NEK2: variants seen among roughly 807,000 people sequenced by gnomAD.
NEK2 encodes NIMA related kinase 2.
A neutral mutation model predicts 54.1 loss-of-function variants in NEK2; 28 were observed. The observed-to-expected ratio is 0.52, with a 90% CI of 0.38 to 0.71. The LOEUF is 0.71. NEK2 is among the 30% of genes least tolerant of loss of function. NEK2 has a pLI of 0.00. For synonymous variants in NEK2, 176 were observed against 193.1 expected (o/e 0.91, Z 0.73); for missense variants, 407 against 531.5 (o/e 0.77, Z 2.30).
At position 211,669,114 on chromosome 1, in the gene NEK2, C is replaced by A; in HGVS notation, c.984G>T (p.Glu328Asp). 6.2e-7 allele frequency: 1 copy of A among 1,613,670 alleles called. No individual in the cohort carries two copies. Among genetic ancestry groups the A allele is most frequent in the African/African-American group, 1.3e-5 (1 of 75,038 alleles). The change falls in exon 6 of 8, where the codon GAG (glutamate) becomes GAT (aspartate). Residue 328 changes from glutamate (E) to aspartate (D), a missense_variant and splice_region_variant. Coordinates refer to ENST00000366999, the MANE Select transcript of NEK2 (RefSeq NM_002497.4). ...GCTTTGACCCCCATTCAGACTTACG[C>A]TCCAATCTTTCTTCTCTTGCTTTGA... is the stretch of plus-strand genomic sequence containing the variant. ...RALKAREERL[E>D]QKEQELCVRE...
chr1:211,671,428 GA>G, intron 3 of NEK2, 144 bp from the exon 4 acceptor site: 2 of 603,628 alleles, frequency 3.3e-6, no homozygotes, highest in Middle Eastern at 3.7e-4. Context: ...ATTTATAATG[GA>G]AAAAAGGCAA....
intron 7 of NEK2, chr1:211,666,815 T>A: frequency 1.1e-6 from 1 of 897,576 alleles, no homozygotes; most frequent in Non-Finnish European, 1.4e-6. Flanking sequence ...AATAAAAAAA[T>A]AAATAATGAT....
chr1:211,668,360 G>A (rs1046925842), intron 6 of NEK2, among the ~76,000 whole-genome samples: 1 of 152,170 alleles, frequency 6.6e-6, no homozygotes, highest in Admixed American at 6.5e-5. Context: ...TCATCTTGGT[G>A]GAGTAGACAC....
At chr1:211,659,761 AC>A (rs933335115), downstream of NEK2, among the ~76,000 whole-genome samples, 76 of 152,178 alleles carry the variant, frequency 5.0e-4, no homozygotes, top group African/African-American at 1.8e-3. Flanking sequence ...GGCGAATGAT[AC>A]ATTTTTTCCC....
intron 7 of NEK2, among the ~76,000 whole-genome samples, chr1:211,665,000 CTTAATGGGACAGTT>C (rs1240930638): frequency 6.6e-6 from 1 of 152,090 alleles, no homozygotes; most frequent in African/African-American, 2.4e-5. Flanking sequence ...ACACTTGGCT[CTTAATGGGACAGTT>C]TTATAAGAAA....
At chr1:211,675,116 A>G (rs759164889) in intron 1 of NEK2, among the ~76,000 whole-genome samples, 1 of 152,186 alleles carries the variant, frequency 6.6e-6, no homozygotes, top group Non-Finnish European at 1.5e-5. Context: ...CCTGTCACCA[A>G]TGGAAGGTCC....
downstream of NEK2, chr1:211,661,111 C>T: frequency 4.0e-6 from 3 of 747,192 alleles, no homozygotes; most frequent in East Asian, 2.5e-5. Flanking sequence ...TACTCCAGGA[C>T]CTCCTTGAGC....
chr1:211,663,246 T>C lies in NEK2; in HGVS notation c.*180A>G. On this transcript the variant is annotated 3_prime_UTR_variant, in exon 8 of 8. Coordinates refer to ENST00000366999, the MANE Select transcript of NEK2 (RefSeq NM_002497.4). ...CTTAAAAGAAGAAAGAAAAATTAAATGTGAACATTTTGTACAATAGTTGCT... is the reference window on the plus strand; with the variant it reads ...CTTAAAAGAAGAAAGAAAAATTAAACGTGAACATTTTGTACAATAGTTGCT... 7.4e-7 allele frequency: 1 copy of C among 1,359,768 alleles called. No homozygotes were observed. Among genetic ancestry groups the C allele is most frequent in the Non-Finnish European group, 9.5e-7 (1 of 1,055,128 alleles). 84.2% of individuals were successfully genotyped at this position (1,359,768 alleles called of 1,614,324 possible). A position where few individuals can be genotyped will look rare whatever the true frequency, so the allele number is the denominator to read the frequency against.
At position 211,674,278 on chromosome 1, in the gene NEK2, T is replaced by G. The variant is rs200901246; in HGVS notation, c.314+18A>C. ...ACTAGACCAATTTCAGCTTACATTTTTAAAAGATTATGCTTACCTTTCCTT... is the reference window on the plus strand; with the variant it reads ...ACTAGACCAATTTCAGCTTACATTTGTAAAAGATTATGCTTACCTTTCCTT... On this transcript the variant is annotated intron_variant, in intron 2 of 7. Coordinates refer to ENST00000366999, the MANE Select transcript of NEK2 (RefSeq NM_002497.4). 6.3e-7 allele frequency: 1 copy of G among 1,585,462 alleles called. No homozygotes were observed. The highest frequency in any genetic ancestry group is 2.2e-5 in the East Asian group (1 of 44,456).
At chr1:211,665,404 T>C (rs981949969) in intron 7 of NEK2, among the ~76,000 whole-genome samples, 1 of 152,236 alleles carries the variant, frequency 6.6e-6, no homozygotes, top group African/African-American at 2.4e-5. Flanking sequence ...CTGTGTATCC[T>C]ATAAAGTAAA....
At chr1:211,675,302 G>T in intron 1 of NEK2, 82 bp downstream of exon 1, 1 of 1,266,962 alleles carries the variant, frequency 7.9e-7, no homozygotes, top group Non-Finnish European at 1.1e-6. Flanking sequence ...AGCCCTGTCG[G>T]TTCCCTTCGG....
At chr1:211,666,738 G>T (rs1032248997) in intron 7 of NEK2, 2 of 350,472 alleles carry the variant, frequency 5.7e-6, no homozygotes, top group African/African-American at 2.2e-5. Context: ...GGCAGAGCTT[G>T]CAGTGAGCCG....
intron 3 of NEK2, 116 bp from the exon 4 acceptor site, chr1:211,671,400 C>T (rs1655387661): frequency 1.5e-6 from 1 of 677,084 alleles, no homozygotes. Context: ...AAGTTTTTAG[C>T]TTATACTTTA....
Position 211,675,414 on chromosome 1 carries a change from G to A in NEK2, c.66C>T (p.Cys22=), listed in dbSNP as rs764700588. The change falls in exon 1 of 8, where the codon TGC becomes TGT. Residue 22 remains cysteine (C), a synonymous_variant. Transcript: ENST00000366999. ...YTIGTGSYGR[C]QKIRRKSDGK... ...CATCACTCTTCCTCCGGATCTTCTG[G>A]CAGCGGCCGTAGGAGCCTGTGCCAA... 1.1e-5 allele frequency: 18 copies of A among 1,613,900 alleles called. No homozygotes were observed. The highest frequency in any genetic ancestry group is 1.5e-5 in the Non-Finnish European group (18 of 1,179,798).
Position 211,675,537 on chromosome 1 carries a change from G to GCTCCAGGGACCAGGAA in NEK2, c.-74_-59dup. ...CGCAGGTTGCGCCGCCAAGTGCGGA[G>GCTCCAGGGACCAGGAA]CTCCAGGGACCAGGAACTCCAGGGA... On this transcript the variant is annotated 5_prime_UTR_variant, in exon 1 of 8. Transcript: ENST00000366999. 1.4e-6 allele frequency: 2 copies of GCTCCAGGGACCAGGAA among 1,461,208 alleles called. No individual in the cohort carries two copies. The highest frequency in any genetic ancestry group is 2.3e-5 in the East Asian group (1 of 44,050). 90.5% of individuals were successfully genotyped at this position (1,461,208 alleles called of 1,614,324 possible).
chr1:211,672,760 T>C (rs539587849), intron 3 of NEK2, among the ~76,000 whole-genome samples: 1 of 152,144 alleles, frequency 6.6e-6, no homozygotes, highest in Admixed American at 6.5e-5. Flanking sequence ...GACCTACACA[T>C]TGGGAAACAA....
intron 6 of NEK2, among the ~76,000 whole-genome samples, chr1:211,667,643 A>G (rs1223732361): frequency 3.3e-5 from 5 of 152,020 alleles, no homozygotes; most frequent in Non-Finnish European, 7.4e-5. Context: ...CAAACAAAAG[A>G]AAAAAAACAC....
At chr1:211,670,184 C>G (rs368927144) in intron 5 of NEK2, 97 bp downstream of exon 5, 1 of 1,219,530 alleles carries the variant, frequency 8.2e-7, no homozygotes, top group African/African-American at 1.6e-5. Flanking sequence ...GTATATTTAA[C>G]GTTTCTTCAG....
chr1:211,669,098 C>A lies in NEK2; in HGVS notation c.985+15G>T. The A allele has an allele frequency of 6.2e-7, 1 of 1,610,302 alleles. No homozygotes were observed. The highest frequency in any genetic ancestry group is 8.5e-7 in the Non-Finnish European group (1 of 1,177,120). ...TTGGTAGTTCTCCTTTGCTTTGACC[C>A]CCATTCAGACTTACGCTCCAATCTT... On this transcript the variant is annotated intron_variant, in intron 6 of 7. Transcript: ENST00000366999.
Sources: allele counts gnomAD v4.1 joint callset (sites outside exome capture counted in the v4.1 genomes callset), GRCh38; gene constraint gnomAD v4.1.1; transcripts MANE v1.5; gene names NCBI Gene and HGNC (gene_info 2026-07-23, HGNC 2026-07-21).